Variants in TENM3 observed in about 807,000 individuals in gnomAD.
TENM3 encodes teneurin transmembrane protein 3, also known as teneurin-3.
In TENM3, 63 loss-of-function variants were observed where a neutral mutation model predicts 255.1. The ratio of observed to expected loss-of-function variants is 0.25; its 90% CI spans 0.20 to 0.30. The LOEUF (loss-of-function observed/expected upper bound fraction) is 0.30. Among genes scored for constraint, TENM3 ranks in the 10% least tolerant of loss-of-function variants. The pLI is 1.00. For synonymous variants in TENM3, 1,306 were observed against 1,322.3 expected (o/e 0.99, Z 0.27); for missense variants, 2,929 against 3,461.1 (o/e 0.85, Z 3.86).
the TENM3 span, among the ~76,000 whole-genome samples, chr4:181,628,469 C>G: frequency 6.6e-6 from 1 of 152,152 alleles, no homozygotes; most frequent in South Asian, 2.1e-4. Context: ...GGTTTTAGGT[C>G]TGACATTTAA....
chr4:182,726,541 ATTGT>A (rs1760199808), intron 13 of TENM3, among the ~76,000 whole-genome samples: 1 of 152,090 alleles, frequency 6.6e-6, no homozygotes. Flanking sequence ...CTCTTTTTAG[ATTGT>A]TTGTGAAATT....
the TENM3 span, among the ~76,000 whole-genome samples, chr4:182,087,327 A>G: frequency 6.6e-6 from 1 of 152,228 alleles, no homozygotes. Context: ...CAATAGATGG[A>G]AAATTGTTTT....
At chr4:182,362,630 CCTTT>C (rs1188290132) in intron 3 of TENM3, among the ~76,000 whole-genome samples, 2 of 152,160 alleles carry the variant, frequency 1.3e-5, no homozygotes, top group Non-Finnish European at 2.9e-5. Context: ...GTCTGTCACC[CCTTT>C]CTTTGCCTAG....
chr4:182,274,551 G>A (rs947970215), intron 1 of TENM3, among the ~76,000 whole-genome samples: 3 of 152,152 alleles, frequency 2.0e-5, no homozygotes, highest in Non-Finnish European at 2.9e-5. Flanking sequence ...GACTGGGGTC[G>A]CATGTTCGCC....
intron 3 of TENM3, among the ~76,000 whole-genome samples, chr4:182,549,044 A>G (rs1741746710): frequency 6.6e-6 from 1 of 152,206 alleles, no homozygotes; most frequent in Non-Finnish European, 1.5e-5. Flanking sequence ...TAACTTAACT[A>G]AGTGAGCAGT....
chr4:181,623,807 T>C, the TENM3 span, among the ~76,000 whole-genome samples: 1 of 152,354 alleles, frequency 6.6e-6, no homozygotes, highest in East Asian at 1.9e-4. Flanking sequence ...GAAATCTTCA[T>C]TCAGATATTA....
the TENM3 span, among the ~76,000 whole-genome samples, chr4:181,628,974 A>G: frequency 1.3e-5 from 2 of 152,152 alleles, no homozygotes; most frequent in Non-Finnish European, 2.9e-5. Context: ...TGAGCATAGA[A>G]TGGTCTTCCA....
At chr4:181,551,534 T>G in the TENM3 span, among the ~76,000 whole-genome samples, 1 of 152,192 alleles carries the variant, frequency 6.6e-6, no homozygotes, top group Non-Finnish European at 1.5e-5. Context: ...CGGCAACCAC[T>G]GGCACTTTTC....
At chr4:181,616,642 A>T in the TENM3 span, among the ~76,000 whole-genome samples, 618 of 152,214 alleles carry the variant, frequency 4.1e-3, 1 homozygote, top group African/African-American at 0.014. Flanking sequence ...GAACCAGGGC[A>T]TCCAGTGATG....
intron 22 of TENM3, among the ~76,000 whole-genome samples, chr4:182,761,655 C>A (rs1048310866): frequency 7.2e-5 from 11 of 152,064 alleles, no homozygotes; most frequent in African/African-American, 2.7e-4. Context: ...TGGTGCTCAG[C>A]CACCTGCTTT....
At chr4:181,650,596 G>C in the TENM3 span, among the ~76,000 whole-genome samples, 1 of 152,098 alleles carries the variant, frequency 6.6e-6, no homozygotes, top group African/African-American at 2.4e-5. Context: ...TCCCTATTAG[G>C]AGTACTTAGA....
the TENM3 span, among the ~76,000 whole-genome samples, chr4:182,087,440 T>C: frequency 1.3e-5 from 2 of 152,194 alleles, no homozygotes; most frequent in Non-Finnish European, 2.9e-5. Context: ...CGAAGGCACA[T>C]GGTATACCAG....
At chr4:181,678,546 C>T in the TENM3 span, among the ~76,000 whole-genome samples, 1 of 151,998 alleles carries the variant, frequency 6.6e-6, no homozygotes, top group African/African-American at 2.4e-5. Context: ...TAGTGCCAAG[C>T]TCAGTAGCTG....
chr4:182,140,273 C>G (rs1008043394), upstream of TENM3, among the ~76,000 whole-genome samples: 3 of 152,172 alleles, frequency 2.0e-5, no homozygotes, highest in African/African-American at 4.8e-5. Flanking sequence ...TGGCTACCAG[C>G]CTTTAGCCTC....
At chr4:182,024,062 G>A in the TENM3 span, among the ~76,000 whole-genome samples, 1 of 152,072 alleles carries the variant, frequency 6.6e-6, no homozygotes, top group Non-Finnish European at 1.5e-5. Context: ...TTTTAAATGT[G>A]TTGTTAACAA....
At chr4:181,463,508 A>G in the TENM3 span, among the ~76,000 whole-genome samples, 38 of 152,298 alleles carry the variant, frequency 2.5e-4, no homozygotes, top group Non-Finnish European at 5.1e-4. Context: ...TAAGGTAAAA[A>G]CTATGTGTTT....
intron 6 of TENM3, among the ~76,000 whole-genome samples, chr4:182,663,634 C>T (rs910070150): frequency 6.6e-6 from 1 of 152,014 alleles, no homozygotes; most frequent in African/African-American, 2.4e-5. Context: ...ATCCTGTTTT[C>T]CTTTCTTATG....
chr4:182,255,034 G>A (rs984069217), intron 1 of TENM3, among the ~76,000 whole-genome samples: 2 of 152,124 alleles, frequency 1.3e-5, no homozygotes, highest in African/African-American at 4.8e-5. Flanking sequence ...ACGAAAGACT[G>A]GTACTTTCGG....
the TENM3 span, among the ~76,000 whole-genome samples, chr4:181,658,897 G>A: frequency 2.0e-5 from 3 of 152,252 alleles, no homozygotes; most frequent in Non-Finnish European, 2.9e-5. Flanking sequence ...GACCCAAAGC[G>A]TGCGCCTATA....
Sources: gnomAD v4.1 joint callset for allele counts (sites outside exome capture counted in the v4.1 genomes callset) on GRCh38, gnomAD v4.1.1 for gene constraint, MANE v1.5 for transcripts, NCBI Gene and HGNC (gene_info 2026-07-23, HGNC 2026-07-21) for gene names.